KMT2E: variants seen among roughly 807,000 people sequenced by gnomAD.
KMT2E encodes histone reader KMT2E.
Under a neutral mutation model 184.6 loss-of-function variants are expected in KMT2E, and 30 were observed. The ratio of observed to expected loss-of-function variants is 0.16; its 90% CI spans 0.12 to 0.22. The LOEUF (loss-of-function observed/expected upper bound fraction) is 0.22. Among genes scored for constraint, KMT2E ranks in the 10% least tolerant of loss-of-function variants. KMT2E has a pLI of 1.00. For synonymous variants in KMT2E, 815 were observed against 776.5 expected (o/e 1.05, Z -0.82); for missense variants, 2,023 against 2,237.4 (o/e 0.90, Z 1.93).
At chr7:105,065,392 T>C (rs749980386) in intron 5 of KMT2E, among the ~76,000 whole-genome samples, 5 of 152,190 alleles carry the variant, frequency 3.3e-5, no homozygotes, top group Non-Finnish European at 7.3e-5. Flanking sequence ...CACTTTGATA[T>C]ATATTTCACA....
intron 17 of KMT2E, chr7:105,105,211 G>A (rs974958002): frequency 5.3e-6 from 2 of 377,878 alleles, no homozygotes; most frequent in Non-Finnish European, 9.3e-6. Flanking sequence ...TATTTAAAAA[G>A]CAACCATATG....
In KMT2E at chr7:105,040,840, G is replaced by A; in HGVS notation, c.-113G>A. On this transcript the variant is annotated splice_region_variant and 5_prime_UTR_variant, in exon 3 of 27. Coordinates refer to ENST00000311117, the MANE Select transcript of KMT2E (RefSeq NM_182931.3). ...TTTGTCTCCTTTTCTTTTAAACAGGGTTTGTGGATGCACTTAGATGTTTGC... is the reference window on the plus strand; with the variant it reads ...TTTGTCTCCTTTTCTTTTAAACAGGATTTGTGGATGCACTTAGATGTTTGC... 1 of 612,654 alleles carries A rather than the reference G, an allele frequency of 1.6e-6. No individual in the cohort carries two copies. The highest frequency in any genetic ancestry group is 2.9e-6 in the Non-Finnish European group (1 of 345,226). 38.0% of individuals were successfully genotyped at this position (612,654 alleles called of 1,614,324 possible).
At chr7:105,081,533 C>T (rs1426046672) in intron 12 of KMT2E, among the ~76,000 whole-genome samples, 155 bp from the exon 13 acceptor site, 20 of 151,860 alleles carry the variant, frequency 1.3e-4, no homozygotes, top group Non-Finnish European at 1.9e-4. Flanking sequence ...CAGTTGATAA[C>T]CACCAATAGA....
At chr7:105,110,749 A>T (rs770254351) in intron 25 of KMT2E, 22 bp from the exon 26 acceptor site, 1 of 1,600,892 alleles carries the variant, frequency 6.2e-7, no homozygotes, top group South Asian at 1.1e-5. Flanking sequence ...TATACTTACT[A>T]TAGGTTTCTT....
chr7:105,060,278 T>C (rs909814946), intron 3 of KMT2E, among the ~76,000 whole-genome samples: 1 of 151,974 alleles, frequency 6.6e-6, no homozygotes, highest in Non-Finnish European at 1.5e-5. Context: ...CAGGTGAATA[T>C]TGGTTTTCAA....
chr7:105,075,963 T>G (rs1584764062), intron 8 of KMT2E, 80 bp from the exon 9 acceptor site: 2 of 1,142,916 alleles, frequency 1.7e-6, no homozygotes, highest in East Asian at 5.0e-5. Flanking sequence ...AGTTAAAAGT[T>G]TCAATGAACC....
At chr7:105,036,278 T>G (rs541248335) in intron 1 of KMT2E, among the ~76,000 whole-genome samples, 1 of 151,586 alleles carries the variant, frequency 6.6e-6, no homozygotes, top group Admixed American at 6.6e-5. Context: ...GTTCAAGCGA[T>G]TCTCGTGCCT....
Position 105,112,788 on chromosome 7 carries a change from C to CCCT in KMT2E, c.5034_5035insTCC (p.Pro1678_Pro1679insSer). ...TTCTCAAACTGCTGGACACCACTTA[C>CCCT]CCCCACCCCCACCCCCTCCTGGTCC... On this transcript the variant is annotated inframe_insertion, in exon 27 of 27. Coordinates refer to ENST00000311117, the MANE Select transcript of KMT2E (RefSeq NM_182931.3). The CCCT allele has an allele frequency of 6.3e-7, 1 of 1,580,910 alleles. No homozygotes were observed. Among genetic ancestry groups the CCCT allele is most frequent in the Non-Finnish European group, 8.6e-7 (1 of 1,161,134 alleles).
In KMT2E at chr7:105,058,919, GC is replaced by G. The variant is rs1796681628; in HGVS notation, c.72-3244del. 1.3e-5 allele frequency among the ~76,000 whole-genome samples: 2 copies of G among 151,890 alleles called. 1 individual carries two copies. The highest frequency in any genetic ancestry group is 4.1e-4 in the South Asian group (2 of 4,820). ...ACATATACATACTTCCTGCTGACAG[GC>G]TAAAAGAAAAAAAGAACATACAAAG... On this transcript the variant is annotated intron_variant, in intron 3 of 26. Coordinates refer to ENST00000311117, the MANE Select transcript of KMT2E (RefSeq NM_182931.3).
At chr7:105,027,294 G>A (rs1795213915) in intron 1 of KMT2E, among the ~76,000 whole-genome samples, 1 of 151,996 alleles carries the variant, frequency 6.6e-6, no homozygotes, top group South Asian at 2.1e-4. Context: ...TCACTAAACA[G>A]CCCATGCTGG....
intron 3 of KMT2E, among the ~76,000 whole-genome samples, chr7:105,042,420 G>A (rs998203403): frequency 6.6e-6 from 1 of 152,066 alleles, no homozygotes; most frequent in African/African-American, 2.4e-5. Context: ...ATAATGTTCT[G>A]TAAGTGTTAA....
At chr7:105,084,820 T>A (rs933502946) in intron 13 of KMT2E, among the ~76,000 whole-genome samples, 3 of 152,050 alleles carry the variant, frequency 2.0e-5, no homozygotes, top group African/African-American at 7.2e-5. Context: ...GGCTACAAAG[T>A]TATTATAGTA....
Position 105,098,952 on chromosome 7 carries a change from C to T in KMT2E, c.1723-2473C>T, listed in dbSNP as rs117867418. On this transcript the variant is annotated intron_variant, in intron 15 of 26. Transcript: ENST00000311117. ...CTAATTTCTCTATCTCCAGAGTCAG[C>T]TCTAACTACCTCAAAGAATAAAACT... 3.0e-3 allele frequency among the ~76,000 whole-genome samples: 453 copies of T among 152,230 alleles called. 2 individuals carry two copies. The highest frequency in any genetic ancestry group is 5.2e-3 in the Non-Finnish European group (352 of 68,014).
At chr7:105,034,080 T>C (rs1161305510) in intron 1 of KMT2E, among the ~76,000 whole-genome samples, 2 of 152,164 alleles carry the variant, frequency 1.3e-5, no homozygotes, top group Non-Finnish European at 2.9e-5. Context: ...GCCCTACCTC[T>C]TAAAGGCTCC....
intron 1 of KMT2E, among the ~76,000 whole-genome samples, chr7:105,034,010 C>T (rs1238761311): frequency 6.6e-6 from 1 of 152,146 alleles, no homozygotes; most frequent in Non-Finnish European, 1.5e-5. Flanking sequence ...AATGCTCTCA[C>T]TACCACAAGA....
intron 23 of KMT2E, among the ~76,000 whole-genome samples, chr7:105,109,979 C>T (rs983267427): frequency 2.0e-5 from 3 of 151,686 alleles, no homozygotes; most frequent in Non-Finnish European, 2.9e-5. Flanking sequence ...GAGTAGCGCC[C>T]GCCACCATGC....
Position 105,076,083 on chromosome 7 carries a change from TA to T in KMT2E, c.768+5del. Reference sequence around the variant, plus strand: ...TCTAGGAAGTCATCAAGAGTTAAGGTAAATACATTAATTTTAAGGTGTTGTT... The same window carrying T: ...TCTAGGAAGTCATCAAGAGTTAAGGTAATACATTAATTTTAAGGTGTTGTT... On this transcript the variant is annotated splice_donor_region_variant and intron_variant, in intron 9 of 26. Coordinates refer to ENST00000311117, the MANE Select transcript of KMT2E (RefSeq NM_182931.3). 6.3e-7 allele frequency: 1 copy of T among 1,585,862 alleles called. No individual in the cohort carries two copies. Among genetic ancestry groups the T allele is most frequent in the Non-Finnish European group, 8.7e-7 (1 of 1,155,094 alleles).
intron 1 of KMT2E, among the ~76,000 whole-genome samples, chr7:105,016,047 G>A (rs1794704519): frequency 6.6e-6 from 1 of 152,208 alleles, no homozygotes; most frequent in South Asian, 2.1e-4. Flanking sequence ...ATATGCCAAA[G>A]TAGATTAAAA....
At position 105,112,513 on chromosome 7, in the gene KMT2E, C is replaced by T; in HGVS notation, c.4757C>T (p.Pro1586Leu). ...LSQQTVFTSG[P>L]NQALPGTTSQ... Reference sequence around the variant, plus strand: ...CAACAAACTGTGTTTACATCAGGACCAAATCAAGCACTTCCTGGCACCACA... The same window carrying T: ...CAACAAACTGTGTTTACATCAGGACTAAATCAAGCACTTCCTGGCACCACA... Residue 1586 changes from proline (P) to leucine (L), a missense_variant, in exon 27 of 27, where the codon CCA becomes CTA. Physicochemically the swap from Pro to Leu is moderately conservative, Grantham distance 98. Transcript: ENST00000311117. 1 of 1,614,026 alleles carries T rather than the reference C, an allele frequency of 6.2e-7. No individual in the cohort carries two copies. Among genetic ancestry groups the T allele is most frequent in the South Asian group, 1.1e-5 (1 of 91,082 alleles).
Sources: allele counts gnomAD v4.1 joint callset (sites outside exome capture counted in the v4.1 genomes callset), GRCh38; gene constraint gnomAD v4.1.1; transcripts MANE v1.5; gene names NCBI Gene and HGNC (gene_info 2026-07-23, HGNC 2026-07-21).